C1QTNF2: variants seen among roughly 807,000 people sequenced by gnomAD.
C1QTNF2 encodes complement C1q tumor necrosis factor-related protein 2.
A neutral mutation model predicts 17.4 loss-of-function variants in C1QTNF2; 15 were observed. That is an observed-to-expected ratio of 0.86 (90% CI 0.58 to 1.33). The LOEUF is 1.33. Ranked by LOEUF, C1QTNF2 falls within the 40% of genes most tolerant of loss-of-function variation. The pLI, the probability that C1QTNF2 is intolerant of heterozygous loss-of-function variation, is 0.00. For synonymous variants in C1QTNF2, 154 were observed against 163.3 expected, an observed-to-expected ratio of 0.94 and a Z score of 0.44; for missense variants, 381 against 392.3, an observed-to-expected ratio of 0.97 and a Z score of 0.24.
At chr5:160,351,838 C>G (rs1204965314) in intron 2 of C1QTNF2, among the ~76,000 whole-genome samples, 2 of 149,006 alleles carry the variant, frequency 1.3e-5, no homozygotes, top group African/African-American at 4.9e-5. Context: ...AGTCACAAAG[C>G]TATTTCTTGA....
Position 160,349,450 on chromosome 5 carries a change from A to C in C1QTNF2, c.576T>G (p.Pro192=). Residue 192 remains proline, a synonymous_variant, in exon 3 of 3, where the codon CCT becomes CCG. Coordinates refer to ENST00000652664, the MANE Select transcript of C1QTNF2 (RefSeq NM_031908.6). The surrounding 1 kb of genome is among the most constrained non-coding windows in gnomAD (Gnocchi z 4.3). The part of the protein sequence containing the change: ...ASSGKFVCGV[P]GIYYFTYDIT... ...TGTCGTAGGTGAAGTAGTAGATCCC[A>C]GGCACGCCGCAGACGAACTTGCCGC... 6.2e-7 allele frequency: 1 copy of C among 1,614,028 alleles called. No individual in the cohort carries two copies. Among genetic ancestry groups the C allele is most frequent in the Non-Finnish European group, 8.5e-7 (1 of 1,180,016 alleles).
In C1QTNF2 at chr5:160,349,206, G is replaced by T. The variant is rs908133176; in HGVS notation, c.820C>A (p.Leu274Ile). The T allele has an allele frequency of 6.2e-7, 1 of 1,614,052 alleles. No homozygotes were observed. The highest frequency in any genetic ancestry group is 1.7e-4 in the Middle Eastern group (1 of 6,058). The stretch of plus-strand genomic sequence containing the variant: ...GGGTCATCCTGGTCGGCATAGATTA[G>T]GAAGCCCGTAAAGAGGCTGTCTGTC... ...YWTDSLFTGF[L>I]IYADQDDPNE... Residue 274 changes from leucine to isoleucine, a missense_variant, in exon 3 of 3, where the codon CTA (leucine) becomes ATA (isoleucine). Coordinates refer to ENST00000652664, the MANE Select transcript of C1QTNF2 (RefSeq NM_031908.6). This position sits in a 1 kb window ranked among gnomAD's most constrained non-coding sequence, Gnocchi z 4.3.
chr5:160,354,771 C>A lies in C1QTNF2; in HGVS notation c.241G>T (p.Glu81Ter). 6.2e-7 allele frequency: 1 copy of A among 1,613,758 alleles called. No individual in the cohort carries two copies. Among genetic ancestry groups the A allele is most frequent in the Non-Finnish European group, 8.5e-7 (1 of 1,179,944 alleles). ...GTGGCACGTATAGGCCTCTTACCTT[C>A]CTCTCCGCTGTCCCCCCGGTCGCCG... Reference protein sequence around the residue: ...HDGDRGDSGEEGPPGRTGNRG... With the variant: ...HDGDRGDSGE The change falls in exon 2 of 3, where the codon GAA (glutamate) becomes TAA (stop). Residue 81 changes from glutamate to a stop codon, truncating the protein, a stop_gained. Coordinates refer to ENST00000652664, the MANE Select transcript of C1QTNF2 (RefSeq NM_031908.6). LOFTEE classifies it high-confidence loss of function.
chr5:160,367,062 G>C (rs1173507367), intron 1 of C1QTNF2, among the ~76,000 whole-genome samples: 1 of 150,900 alleles, frequency 6.6e-6, no homozygotes, highest in East Asian at 1.9e-4. Flanking sequence ...ACAACGTGCA[G>C]AGACTGGCTG....
chr5:160,349,221 G>C lies in C1QTNF2; in HGVS notation c.805C>G (p.Leu269Val). The change falls in exon 3 of 3, where the codon CTC (leucine) becomes GTC (valine). Residue 269 changes from leucine (L) to valine (V), a missense_variant. Physicochemically the swap from Leu to Val is conservative, Grantham distance 32. Coordinates refer to ENST00000652664, the MANE Select transcript of C1QTNF2 (RefSeq NM_031908.6). The surrounding 1 kb of genome is among the most constrained non-coding windows in gnomAD (Gnocchi z 4.3). ...GCATAGATTAGGAAGCCCGTAAAGA[G>C]GCTGTCTGTCCAGTAAGGGTCATAG... ...LFYDPYWTDS[L>V]FTGFLIYADQ... 6.2e-7 allele frequency: 1 copy of C among 1,614,164 alleles called. No homozygotes were observed. Among genetic ancestry groups the C allele is most frequent in the East Asian group, 2.2e-5 (1 of 44,876 alleles).
rs193017483 is a variant in C1QTNF2, at chr5:160,365,399, C to T, written c.-10+5113G>A. Among the ~76,000 whole-genome samples the T allele has an allele frequency of 4.7e-3, 721 of 152,258 alleles. 7 individuals carry two copies. Among genetic ancestry groups the T allele is most frequent in the African/African-American group, 0.017 (689 of 41,552 alleles). On this transcript the variant is annotated intron_variant, in intron 1 of 2. Coordinates refer to ENST00000652664, the MANE Select transcript of C1QTNF2 (RefSeq NM_031908.6). ...TCATTTCTGGTCAGGCCTTGATGGGCGTTCGGAGTAACCCTAAACTTCTGA... is the reference window on the plus strand; with the variant it reads ...TCATTTCTGGTCAGGCCTTGATGGGTGTTCGGAGTAACCCTAAACTTCTGA...
chr5:160,364,998 A>C (rs1177359762), intron 1 of C1QTNF2, among the ~76,000 whole-genome samples: 1 of 152,168 alleles, frequency 6.6e-6, no homozygotes, highest in Non-Finnish European at 1.5e-5. Context: ...GGGGAATTAG[A>C]GGTGAAAAGA....
At chr5:160,365,196 C>A (rs536766298) in intron 1 of C1QTNF2, among the ~76,000 whole-genome samples, 82 of 152,036 alleles carry the variant, frequency 5.4e-4, no homozygotes, top group Admixed American at 1.8e-3. Flanking sequence ...ACCAGGCAGG[C>A]GGCAGGGGAA....
At chr5:160,353,412 T>A (rs1415184812) in intron 2 of C1QTNF2, among the ~76,000 whole-genome samples, 1 of 152,110 alleles carries the variant, frequency 6.6e-6, no homozygotes, top group South Asian at 2.1e-4. Context: ...ATCCCTTCCT[T>A]TGGGGAGTTG....
At chr5:160,350,333 TAG>T (rs1208713183) in intron 2 of C1QTNF2, among the ~76,000 whole-genome samples, 3 of 151,304 alleles carry the variant, frequency 2.0e-5, no homozygotes, top group Admixed American at 2.0e-4. Context: ...AAAAAAAAAG[TAG>T]AGTTACGTGT....
At chr5:160,355,701 G>A (rs28581270) in intron 1 of C1QTNF2, among the ~76,000 whole-genome samples, 1,897 of 152,358 alleles carry the variant, frequency 0.012, 33 homozygotes, top group African/African-American at 0.043. Flanking sequence ...TCTACATCAC[G>A]CTTTTCCAAC....
intron 2 of C1QTNF2, among the ~76,000 whole-genome samples, chr5:160,350,728 AG>A (rs544351742): frequency 3.4e-4 from 51 of 151,874 alleles, no homozygotes; most frequent in African/African-American, 1.2e-3. Context: ...GAAAAACAAA[AG>A]GAATGGAATC....
At position 160,355,031 on chromosome 5, in the gene C1QTNF2, C is replaced by T; in HGVS notation, c.-9-11G>A. 6.5e-7 allele frequency: 1 copy of T among 1,530,764 alleles called. No individual in the cohort carries two copies. Among genetic ancestry groups the T allele is most frequent in the Non-Finnish European group, 8.8e-7 (1 of 1,138,294 alleles). 94.8% of individuals were successfully genotyped at this position (1,530,764 alleles called of 1,614,324 possible). On this transcript the variant is annotated splice_polypyrimidine_tract_variant and intron_variant, in intron 1 of 2. Transcript: ENST00000652664. The stretch of plus-strand genomic sequence containing the variant: ...GATCATGGTGGTTACCTGTGGGAGG[C>T]AAGAGAGCTGTGACAGGTGAGTGTG...
chr5:160,356,287 C>T (rs1764049117), intron 1 of C1QTNF2, among the ~76,000 whole-genome samples: 1 of 152,216 alleles, frequency 6.6e-6, no homozygotes, highest in Non-Finnish European at 1.5e-5. Flanking sequence ...TGACCTTAGG[C>T]AAACCCTTTT....
At chr5:160,368,676 T>A (rs1443874638) in intron 1 of C1QTNF2, among the ~76,000 whole-genome samples, 1 of 152,012 alleles carries the variant, frequency 6.6e-6, no homozygotes, top group Non-Finnish European at 1.5e-5. Flanking sequence ...AAGCTGTGGG[T>A]GTGGAGAGAG....
At chr5:160,370,219 C>T (rs973380881) in intron 1 of C1QTNF2, among the ~76,000 whole-genome samples, 17 of 152,156 alleles carry the variant, frequency 1.1e-4, no homozygotes, top group African/African-American at 3.4e-4. Flanking sequence ...GGACTTGGCA[C>T]AAAGTAGGCG....
intron 1 of C1QTNF2, among the ~76,000 whole-genome samples, chr5:160,367,719 C>G (rs995524404): frequency 6.6e-6 from 1 of 152,088 alleles, no homozygotes; most frequent in Non-Finnish European, 1.5e-5. Flanking sequence ...TCACGGTGCC[C>G]CACGCTGACT....
chr5:160,370,466 C>A (rs1366170122), intron 1 of C1QTNF2, 46 bp downstream of exon 1: 2 of 1,390,964 alleles, frequency 1.4e-6, no homozygotes, highest in Non-Finnish European at 1.9e-6. Flanking sequence ...TCCTCCTCCC[C>A]GCGCGCACTT....
chr5:160,357,214 G>A (rs916204487), intron 1 of C1QTNF2, among the ~76,000 whole-genome samples: 1 of 152,212 alleles, frequency 6.6e-6, no homozygotes, highest in African/African-American at 2.4e-5. Flanking sequence ...CACCTTCACT[G>A]GGGGAGCAGG....
Sources: gnomAD v4.1 joint callset for allele counts (sites outside exome capture counted in the v4.1 genomes callset) on GRCh38, gnomAD v4.1.1 for gene constraint, Gnocchi (gnomAD v3.1) non-coding constraint, MANE v1.5 for transcripts, NCBI Gene and HGNC (gene_info 2026-07-23, HGNC 2026-07-21) for gene names.